Variants in ANKS1B observed in about 807,000 individuals in gnomAD.
ANKS1B encodes the protein ankyrin repeat and sterile alpha motif domain containing 1B.
Under a neutral mutation model 148.3 loss-of-function variants are expected in ANKS1B, and 36 were observed. The ratio of observed to expected loss-of-function variants is 0.24; its 90% CI spans 0.19 to 0.32. The LOEUF is 0.32. Ranked by LOEUF, ANKS1B falls within the 10% of genes least tolerant of loss-of-function variation. The pLI is 1.00. For synonymous variants in ANKS1B, 542 were observed against 560.8 expected (o/e 0.97, Z 0.47); for missense variants, 1,157 against 1,542.6 (o/e 0.75, Z 4.19).
chr12:99,122,115 T>C (rs1481132227), intron 15 of ANKS1B, among the ~76,000 whole-genome samples: 1 of 152,154 alleles, frequency 6.6e-6, no homozygotes, highest in Non-Finnish European at 1.5e-5. Flanking sequence ...AGAAAATCAG[T>C]CTCCTTAAGC....
At chr12:99,928,876 G>A (rs1346438796) in intron 1 of ANKS1B, among the ~76,000 whole-genome samples, 2 of 152,096 alleles carry the variant, frequency 1.3e-5, no homozygotes, top group African/African-American at 4.8e-5. Flanking sequence ...CCTAGAATAG[G>A]TAAGAGAGGA....
At chr12:99,556,617 T>G (rs181510606) in intron 9 of ANKS1B, among the ~76,000 whole-genome samples, 92 of 152,330 alleles carry the variant, frequency 6.0e-4, no homozygotes, top group Admixed American at 6.0e-3. Flanking sequence ...GCTTTAGCTA[T>G]GTCCCAGAGA....
intron 10 of ANKS1B, among the ~76,000 whole-genome samples, chr12:99,453,790 G>C (rs889313391): frequency 2.0e-5 from 3 of 152,170 alleles, no homozygotes; most frequent in African/African-American, 7.2e-5. Context: ...TAGACTTTCA[G>C]CCTTGTTTTG....
At chr12:99,755,995 C>T (rs756828895) in intron 8 of ANKS1B, among the ~76,000 whole-genome samples, 17 of 152,020 alleles carry the variant, frequency 1.1e-4, no homozygotes, top group Admixed American at 2.0e-4. Context: ...TCATACTGAA[C>T]GAGCAAAAGC....
intron 9 of ANKS1B, among the ~76,000 whole-genome samples, chr12:99,510,273 C>T (rs10860449): frequency 0.15 from 22,673 of 151,896 alleles, 2,089 homozygotes; most frequent in Non-Finnish European, 0.2. Context: ...TTAAGAAATA[C>T]ATTATATAAG....
intron 8 of ANKS1B, among the ~76,000 whole-genome samples, chr12:99,762,541 T>G (rs149103131): frequency 2.4e-3 from 368 of 152,212 alleles, no homozygotes; most frequent in Non-Finnish European, 4.0e-3. Context: ...AAAGATAGAT[T>G]AAAGATTTAG....
At chr12:99,503,944 T>C (rs2096681348) in intron 10 of ANKS1B, among the ~76,000 whole-genome samples, 1 of 152,142 alleles carries the variant, frequency 6.6e-6, no homozygotes, top group Non-Finnish European at 1.5e-5. Context: ...TGTTCAAGCA[T>C]AGGCCCCACT....
chr12:99,509,304 G>C (rs1375212955), intron 9 of ANKS1B, among the ~76,000 whole-genome samples: 1 of 151,794 alleles, frequency 6.6e-6, no homozygotes, highest in Non-Finnish European at 1.5e-5. Context: ...AGCTAACAAT[G>C]ATTAAGGTTA....
intron 11 of ANKS1B, among the ~76,000 whole-genome samples, chr12:99,434,527 T>C (rs1374986117): frequency 6.6e-6 from 1 of 152,116 alleles, no homozygotes; most frequent in Non-Finnish European, 1.5e-5. Context: ...TCCTTGAACA[T>C]ATTTTTATTT....
chr12:98,918,498 T>C (rs141360207), intron 17 of ANKS1B, among the ~76,000 whole-genome samples: 2 of 152,348 alleles, frequency 1.3e-5, no homozygotes, highest in Admixed American at 6.5e-5. Flanking sequence ...CTTTCCCTAA[T>C]GTTAGATCAT....
chr12:98,786,154 C>T (rs750617498), intron 22 of ANKS1B, among the ~76,000 whole-genome samples: 4 of 152,136 alleles, frequency 2.6e-5, no homozygotes, highest in Non-Finnish European at 5.9e-5. Flanking sequence ...TAGTGATATT[C>T]AAATGTATTT....
At chr12:99,244,668 CTT>C (rs2153968180) in intron 13 of ANKS1B, among the ~76,000 whole-genome samples, 1 of 152,206 alleles carries the variant, frequency 6.6e-6, no homozygotes, top group African/African-American at 2.4e-5. Flanking sequence ...TTGAAATAAA[CTT>C]TGTACTTGGA....
chr12:99,326,434 G>A (rs1479394757), intron 12 of ANKS1B, among the ~76,000 whole-genome samples: 1 of 152,058 alleles, frequency 6.6e-6, no homozygotes, highest in Non-Finnish European at 1.5e-5. Flanking sequence ...CCAAACAAGG[G>A]CAATTTTGTG....
chr12:99,158,209 A>C (rs2076282323), intron 14 of ANKS1B, among the ~76,000 whole-genome samples: 1 of 152,196 alleles, frequency 6.6e-6, no homozygotes, highest in Non-Finnish European at 1.5e-5. Flanking sequence ...GCTTAAATAT[A>C]TTACTCTCTT....
At chr12:99,220,201 T>C (rs1297692602) in intron 14 of ANKS1B, among the ~76,000 whole-genome samples, 1 of 152,136 alleles carries the variant, frequency 6.6e-6, no homozygotes, top group Non-Finnish European at 1.5e-5. Flanking sequence ...GGTTTCATCA[T>C]GTTGGCCAGG....
intron 12 of ANKS1B, among the ~76,000 whole-genome samples, chr12:99,372,104 G>A (rs559807126): frequency 6.6e-6 from 1 of 152,058 alleles, no homozygotes; most frequent in South Asian, 2.1e-4. Context: ...AACACCAAGA[G>A]TGAACTCTAC....
chr12:98,782,475 A>G (rs995598426), intron 22 of ANKS1B, among the ~76,000 whole-genome samples: 7 of 152,184 alleles, frequency 4.6e-5, no homozygotes, highest in Non-Finnish European at 8.8e-5. Context: ...AAAAAATAGA[A>G]ACTTTCTTGA....
At chr12:98,954,322 CTCTT>C (rs1235539852) in intron 17 of ANKS1B, 2 of 152,210 alleles carry the variant, frequency 1.3e-5, no homozygotes, top group African/African-American at 4.8e-5. Flanking sequence ...TAGTGTCCTT[CTCTT>C]TCTTTTTCTA....
intron 12 of ANKS1B, among the ~76,000 whole-genome samples, chr12:99,396,789 G>C (rs1302016517): frequency 6.6e-6 from 1 of 152,042 alleles, no homozygotes; most frequent in Admixed American, 6.6e-5. Flanking sequence ...ATCCAACTGA[G>C]ACAGAAAAAT....
Sources: gnomAD v4.1 joint callset for allele counts (sites outside exome capture counted in the v4.1 genomes callset) on GRCh38, gnomAD v4.1.1 for gene constraint, MANE v1.5 for transcripts, NCBI Gene and HGNC (gene_info 2026-07-23, HGNC 2026-07-21) for gene names.